Variants in EYA4 observed in about 807,000 individuals in gnomAD.
EYA4 encodes protein phosphatase EYA4.
A neutral mutation model predicts 87.9 loss-of-function variants in EYA4; 31 were observed. The ratio of observed to expected loss-of-function variants is 0.35; its 90% confidence interval spans 0.27 to 0.48. The LOEUF (loss-of-function observed/expected upper bound fraction) is 0.48. EYA4 is among the 20% of genes least tolerant of loss of function. EYA4 has a pLI of 0.99. For missense variants in EYA4, 678 were observed against 761.4 expected (o/e 0.89, Z 1.29); for synonymous variants, 263 against 270.6 (o/e 0.97, Z 0.28).
intron 2 of EYA4, among the ~76,000 whole-genome samples, chr6:133,342,592 T>TAG: frequency 1.0e-5 from 1 of 97,816 alleles, no homozygotes; most frequent in African/African-American, 3.6e-5. Flanking sequence ...TATATATATA[T>TAG]ATATATATAT....
chr6:133,428,996 G>T lies in EYA4; in HGVS notation c.84-17634G>T, dbSNP rs933913992. 2.4e-5 allele frequency among the ~76,000 whole-genome samples: 3 copies of T among 125,478 alleles called. No individual in the cohort carries two copies. In the South Asian group the frequency reaches 8.0e-4, roughly 34 times the overall value. The allele number at this position is 125,478 out of a possible 152,430, so 82.3% of individuals were successfully genotyped here. A position where few individuals can be genotyped will look rare whatever the true frequency, so the allele number is the denominator to read the frequency against. ...GGCTGGAGGGCTGTGGCATGATCTC[G>T]GCTCACTGCAACCTCTACCTCCCAG... On this transcript the variant is annotated intron_variant, in intron 3 of 19. Transcript: ENST00000355286.
intron 3 of EYA4, among the ~76,000 whole-genome samples, chr6:133,400,299 G>A: frequency 6.6e-6 from 1 of 152,070 alleles, no homozygotes; most frequent in African/African-American, 2.4e-5. Flanking sequence ...CAAGAGGTCA[G>A]GAGTTCGAGA....
chr6:133,321,591 A>C (rs1429898997), intron 2 of EYA4, among the ~76,000 whole-genome samples: 3 of 152,242 alleles, frequency 2.0e-5, no homozygotes, highest in African/African-American at 7.2e-5. Flanking sequence ...ACAAACTTCC[A>C]TAAAAATAAT....
chr6:133,396,086 T>G (rs1787770730), intron 3 of EYA4, among the ~76,000 whole-genome samples: 1 of 152,198 alleles, frequency 6.6e-6, no homozygotes, highest in African/African-American at 2.4e-5. Flanking sequence ...ACTTTTATCT[T>G]TAATACAAGA....
At chr6:133,314,339 A>G (rs1238716782) in intron 2 of EYA4, among the ~76,000 whole-genome samples, 1 of 152,140 alleles carries the variant, frequency 6.6e-6, no homozygotes, top group Admixed American at 6.5e-5. Flanking sequence ...ATTTTCATTT[A>G]TTTGATTTAG....
upstream of EYA4, chr6:133,240,977 G>A (rs1197294603): frequency 6.6e-6 from 1 of 151,918 alleles, no homozygotes; most frequent in African/African-American, 2.4e-5. Flanking sequence ...CCAGGGAGGA[G>A]AGCGCGGTCG....
chr6:133,529,032 T>C lies in EYA4; in HGVS notation c.*227T>C, dbSNP rs1041389862. ...TATTTACAACACTTTAATGGGTTTTTTAAAAATCTGTGGAGGTTGCTGGTA... is the reference window on the plus strand; with the variant it reads ...TATTTACAACACTTTAATGGGTTTTCTAAAAATCTGTGGAGGTTGCTGGTA... On this transcript the variant is annotated 3_prime_UTR_variant, in exon 20 of 20. Transcript: ENST00000355286. 62 of 1,310,566 alleles carry C rather than the reference T, an allele frequency of 4.7e-5. No homozygotes were observed. Among genetic ancestry groups the C allele is most frequent in the Admixed American group, 6.3e-5 (2 of 31,554 alleles). The allele number at this position is 1,310,566 out of a possible 1,614,324, so 81.2% of individuals were successfully genotyped here.
chr6:133,449,256 G>A (rs1334190762), intron 5 of EYA4, among the ~76,000 whole-genome samples: 3 of 152,140 alleles, frequency 2.0e-5, no homozygotes, highest in Non-Finnish European at 4.4e-5. Context: ...AAATGAATAA[G>A]CATGGCTATG....
intron 2 of EYA4, among the ~76,000 whole-genome samples, chr6:133,306,425 T>C (rs1271951743): frequency 6.6e-6 from 1 of 152,204 alleles, no homozygotes; most frequent in African/African-American, 2.4e-5. Flanking sequence ...AGTACTGTAA[T>C]CTGTGCCTCT....
intron 2 of EYA4, among the ~76,000 whole-genome samples, chr6:133,313,507 A>G (rs1780391715): frequency 6.6e-6 from 1 of 152,184 alleles, no homozygotes; most frequent in Admixed American, 6.6e-5. Flanking sequence ...GATCTACAGT[A>G]TATTTTCTAG....
chr6:133,280,696 A>G (rs1372020899), intron 2 of EYA4, among the ~76,000 whole-genome samples: 2 of 152,136 alleles, frequency 1.3e-5, no homozygotes, highest in South Asian at 2.1e-4. Context: ...CGCCCGGCCA[A>G]TAGTAGTTTT....
chr6:133,264,875 TAGA>T (rs758222375), intron 1 of EYA4, among the ~76,000 whole-genome samples: 3 of 152,230 alleles, frequency 2.0e-5, no homozygotes, highest in Admixed American at 6.5e-5. Context: ...CTCTGTCACC[TAGA>T]AGAAGTGCAG....
At chr6:133,525,897 C>T in intron 19 of EYA4, 1 of 985,268 alleles carries the variant, frequency 1.0e-6, no homozygotes, top group Non-Finnish European at 1.2e-6. Context: ...CTTGTCTTAG[C>T]CGTAATGTGC....
intron 6 of EYA4, among the ~76,000 whole-genome samples, chr6:133,457,925 G>T (rs1038872445): frequency 3.3e-5 from 5 of 152,152 alleles, no homozygotes; most frequent in Non-Finnish European, 5.9e-5. Flanking sequence ...AGCTCCAGAA[G>T]GAATTTCAGA....
At chr6:133,413,044 A>G (rs758194238) in intron 3 of EYA4, among the ~76,000 whole-genome samples, 12 of 152,214 alleles carry the variant, frequency 7.9e-5, no homozygotes, top group Non-Finnish European at 1.3e-4. Flanking sequence ...GCCCAGGAGC[A>G]CAACTTAAAT....
intron 3 of EYA4, among the ~76,000 whole-genome samples, chr6:133,387,439 A>C (rs891528754): frequency 1.6e-4 from 24 of 152,182 alleles, no homozygotes; most frequent in Non-Finnish European, 3.1e-4. Context: ...CATTACTGCC[A>C]GTTTATGTTT....
intron 17 of EYA4, among the ~76,000 whole-genome samples, chr6:133,518,202 A>T (rs1477365517): frequency 3.9e-5 from 6 of 151,936 alleles, no homozygotes; most frequent in Non-Finnish European, 7.4e-5. Context: ...TATATAAGTT[A>T]AAAAAGATGA....
At chr6:133,250,780 A>G (rs9385640) in intron 1 of EYA4, among the ~76,000 whole-genome samples, 21,684 of 152,276 alleles carry the variant, frequency 0.14, 1,985 homozygotes, top group Non-Finnish European at 0.2. Flanking sequence ...CATGTGTAAC[A>G]GAACATGCCT....
intron 2 of EYA4, among the ~76,000 whole-genome samples, chr6:133,328,417 G>T (rs945012103): frequency 6.6e-6 from 1 of 152,092 alleles, no homozygotes; most frequent in African/African-American, 2.4e-5. Flanking sequence ...GATTGCATAG[G>T]ATGGCTTTAG....
Sources: allele counts gnomAD v4.1 joint callset (sites outside exome capture counted in the v4.1 genomes callset), GRCh38; gene constraint gnomAD v4.1.1; transcripts MANE v1.5; gene names NCBI Gene and HGNC (gene_info 2026-07-23, HGNC 2026-07-21).